Variants in OCA2 observed in about 807,000 individuals in gnomAD.
OCA2 encodes the protein P protein.
A neutral mutation model predicts 100.2 loss-of-function variants in OCA2; 77 were observed. The observed-to-expected ratio is 0.77, with a 90% confidence interval of 0.64 to 0.93. The LOEUF is 0.93. OCA2 is among the 40% of genes least tolerant of loss of function. The pLI, the probability that OCA2 is intolerant of heterozygous loss-of-function variation, is 0.00. For missense variants in OCA2, 1,062 were observed against 1,089.1 expected (o/e 0.98, Z 0.35); for synonymous variants, 432 against 439.2 (o/e 0.98, Z 0.21).
At chr15:28,047,754 A>C (rs1177424993) in intron 2 of OCA2, among the ~76,000 whole-genome samples, 1 of 152,226 alleles carries the variant, frequency 6.6e-6, no homozygotes, top group Non-Finnish European at 1.5e-5. Context: ...ATTGTACTTG[A>C]AGTTCAAGCC....
At position 27,992,105 on chromosome 15, in the gene OCA2, CTT is replaced by C. The variant is rs66972965; in HGVS notation, c.1045-1460_1045-1459del. 3.9e-3 allele frequency among the ~76,000 whole-genome samples: 563 copies of C among 144,200 alleles called. 2 individuals carry two copies. Among genetic ancestry groups the C allele is most frequent in the Middle Eastern group, 0.011 (3 of 278 alleles). 94.6% of individuals were successfully genotyped at this position (144,200 alleles called of 152,430 possible). A position where few individuals can be genotyped will look rare whatever the true frequency, so the allele number is the denominator to read the frequency against. ...TGCTTTTCAGTCTTAGTTTAGGACG[CTT>C]TTTTTTTTTTTGAGACGGAGTCTCA... On this transcript the variant is annotated intron_variant, in intron 9 of 23. Transcript: ENST00000354638.
chr15:27,742,539 G>A, the OCA2 span, among the ~76,000 whole-genome samples: 11 of 152,114 alleles, frequency 7.2e-5, no homozygotes, highest in Non-Finnish European at 1.5e-4. Flanking sequence ...AGCTGTGGCC[G>A]GTAAGATTTA....
rs182623329 is a variant in OCA2, at chr15:28,008,095, A to G, written c.1044+6681T>C. ...GCCAGGCAGTGTCCAAGGCACTGGG[A>G]ATCAACACTGAACAAAAGCAACCAA... is the stretch of plus-strand genomic sequence containing the variant. On this transcript the variant is annotated intron_variant, in intron 9 of 23. Coordinates refer to ENST00000354638, the MANE Select transcript of OCA2 (RefSeq NM_000275.3). Among the ~76,000 whole-genome samples the G allele has an allele frequency of 5.4e-3, 818 of 152,338 alleles. 3 individuals are homozygous for G. Among genetic ancestry groups the G allele is most frequent in the Non-Finnish European group, 8.1e-3 (549 of 68,024 alleles).
At chr15:27,805,891 G>A (rs1469653536) in intron 23 of OCA2, among the ~76,000 whole-genome samples, 1 of 152,216 alleles carries the variant, frequency 6.6e-6, no homozygotes, top group Non-Finnish European at 1.5e-5. Flanking sequence ...GGGCAGGGGA[G>A]CCTGGCTCTC....
intron 23 of OCA2, among the ~76,000 whole-genome samples, chr15:27,794,335 G>C (rs1487696195): frequency 6.6e-6 from 1 of 152,182 alleles, no homozygotes; most frequent in Admixed American, 6.5e-5. Context: ...GCATGGAAGA[G>C]TGCGCTCAGG....
intron 23 of OCA2, among the ~76,000 whole-genome samples, chr15:27,768,894 C>G (rs563268336): frequency 1.3e-5 from 2 of 152,314 alleles, no homozygotes; most frequent in South Asian, 4.1e-4. Context: ...TGCTTCCTCC[C>G]GTGGGATGCA....
chr15:28,021,698 C>T lies in OCA2; in HGVS notation c.646+803G>A, dbSNP rs140932854. ...AGTGATGCCAAGCTTCACCCTCTCC[C>T]GCTGCCTCTATCTCCCCTAAGGAGC... On this transcript the variant is annotated intron_variant, in intron 6 of 23. Coordinates refer to ENST00000354638, the MANE Select transcript of OCA2 (RefSeq NM_000275.3). Among the ~76,000 whole-genome samples the T allele has an allele frequency of 2.7e-3, 410 of 152,314 alleles. 1 individual carries two copies. Among genetic ancestry groups the T allele is most frequent in the African/African-American group, 9.2e-3 (384 of 41,568 alleles).
At chr15:27,885,338 T>C (rs1335572379) in intron 19 of OCA2, among the ~76,000 whole-genome samples, 3 of 152,152 alleles carry the variant, frequency 2.0e-5, no homozygotes, top group Non-Finnish European at 4.4e-5. Flanking sequence ...TGGCTAAAGA[T>C]GTCCCACTGG....
intron 22 of OCA2, 148 bp downstream of exon 22, chr15:27,851,234 C>T: frequency 1.3e-6 from 1 of 744,224 alleles, no homozygotes; most frequent in Non-Finnish European, 2.4e-6. Flanking sequence ...TGGAATTGCT[C>T]TGTCAAAGCT....
intron 2 of OCA2, among the ~76,000 whole-genome samples, chr15:28,075,099 C>G (rs944660701): frequency 6.6e-6 from 1 of 152,134 alleles, no homozygotes; most frequent in Non-Finnish European, 1.5e-5. Flanking sequence ...TCTTTGTGAT[C>G]TTGGGTTAAG....
Position 28,019,005 on chromosome 15 carries a change from T to C in OCA2, c.647-448A>G, listed in dbSNP as rs557728840. On this transcript the variant is annotated intron_variant, in intron 6 of 23. Coordinates refer to ENST00000354638, the MANE Select transcript of OCA2 (RefSeq NM_000275.3). ...TGTTTCTTGTCAAGCAACGCTTATA[T>C]GAAATACATGAGTATGCCTTTTTCT... Among the ~76,000 whole-genome samples, 49 of 152,296 alleles carry C rather than the reference T, an allele frequency of 3.2e-4. 2 individuals carry two copies. Among genetic ancestry groups the C allele is most frequent in the African/African-American group, 1.2e-3 (49 of 41,568 alleles).
intron 18 of OCA2, among the ~76,000 whole-genome samples, chr15:27,942,982 AAC>A (rs2039703661): frequency 6.6e-6 from 1 of 152,198 alleles, no homozygotes; most frequent in Non-Finnish European, 1.5e-5. Flanking sequence ...TTATCAGGTT[AAC>A]ACAAACTGTA....
chr15:28,032,599 C>T (rs927577087), intron 2 of OCA2, among the ~76,000 whole-genome samples: 3 of 150,276 alleles, frequency 2.0e-5, no homozygotes, highest in Non-Finnish European at 4.4e-5. Flanking sequence ...GCCTGGCCAA[C>T]GTGGTGAAAC....
At chr15:27,985,982 C>T (rs1433175255) in intron 12 of OCA2, among the ~76,000 whole-genome samples, 2 of 152,304 alleles carry the variant, frequency 1.3e-5, no homozygotes, top group South Asian at 2.1e-4. Flanking sequence ...TGAGCCACTG[C>T]GCCCAGCCTG....
At chr15:27,889,319 TA>T (rs1262099765) in intron 19 of OCA2, among the ~76,000 whole-genome samples, 3 of 152,282 alleles carry the variant, frequency 2.0e-5, no homozygotes, top group African/African-American at 7.2e-5. Flanking sequence ...GCACATGTAG[TA>T]GGATAATGTG....
the OCA2 span, among the ~76,000 whole-genome samples, chr15:27,725,826 C>T: frequency 2.6e-5 from 4 of 151,958 alleles, no homozygotes; most frequent in Non-Finnish European, 5.9e-5. Flanking sequence ...TTTTTCCTTG[C>T]TTTCTTAAAA....
At position 27,951,839 on chromosome 15, in the gene OCA2, A is replaced by G. The variant is rs1236897848; in HGVS notation, c.1896T>C (p.Phe632=). The G allele has an allele frequency of 6.2e-7, 1 of 1,614,122 alleles. No individual in the cohort carries two copies. The change falls in exon 18 of 24, where the codon TTT becomes TTC. Residue 632 remains phenylalanine (F), a synonymous_variant. Coordinates refer to ENST00000354638, the MANE Select transcript of OCA2 (RefSeq NM_000275.3). ...LLAKCLTVLG[F]VIFMFFLNSF... ...AATTGAGGAAAAACATGAAGATAACAAATCCCAACACTGTCAGGCATTTGG... is the reference window on the plus strand; with the variant it reads ...AATTGAGGAAAAACATGAAGATAACGAATCCCAACACTGTCAGGCATTTGG...
intron 9 of OCA2, among the ~76,000 whole-genome samples, chr15:28,009,725 CACAA>C (rs1369264102): frequency 2.0e-5 from 3 of 148,686 alleles, no homozygotes; most frequent in East Asian, 1.9e-4. Flanking sequence ...CACACACACA[CACAA>C]AGTCAACAAA....
chr15:28,031,984 C>T (rs1038058499), intron 3 of OCA2, 81 bp downstream of exon 3: 42 of 1,008,660 alleles, frequency 4.2e-5, no homozygotes, highest in African/African-American at 7.9e-5. Flanking sequence ...AATAAAAATT[C>T]GTGTCTCAAG....
Sources: gnomAD v4.1 joint callset for allele counts (sites outside exome capture counted in the v4.1 genomes callset) on GRCh38, gnomAD v4.1.1 for gene constraint, MANE v1.5 for transcripts, NCBI Gene and HGNC (gene_info 2026-07-23, HGNC 2026-07-21) for gene names.